Variants in SLC35D4 observed in about 807,000 individuals in gnomAD.
SLC35D4 encodes UDP-N-acetylglucosamine transporter SLC35D4.
At chr18:23,313,156 A>AAAAAAAAAAAAAAAT in the SLC35D4 span, among the ~76,000 whole-genome samples, 1 of 146,524 alleles carries the variant, frequency 6.8e-6, no homozygotes, top group Non-Finnish European at 1.5e-5. Context: ...AAAAAAAAAA[A>AAAAAAAAAAAAAAAT]AGAACCTGAG....
chr18:23,284,627 T>G, the SLC35D4 span, among the ~76,000 whole-genome samples: 1 of 152,246 alleles, frequency 6.6e-6, no homozygotes, highest in Non-Finnish European at 1.5e-5. Flanking sequence ...TGGGATCGCT[T>G]TCTCAGGACC....
chr18:23,257,912 T>G, the SLC35D4 span: 1 of 152,478 alleles, frequency 6.6e-6, no homozygotes, highest in Middle Eastern at 3.4e-3. Flanking sequence ...GCATCAGCCC[T>G]AGACCCCCAG....
chr18:23,242,510 C>T, the SLC35D4 span, among the ~76,000 whole-genome samples: 14 of 152,152 alleles, frequency 9.2e-5, no homozygotes, highest in Non-Finnish European at 1.9e-4. Context: ...ATCATTAGAA[C>T]GTGGCAGCCC....
chr18:23,253,685 C>CT, the SLC35D4 span: 123 of 1,550,452 alleles, frequency 7.9e-5, no homozygotes, highest in Middle Eastern at 3.9e-4. Context: ...CACTGAAACT[C>CT]TAAGTTTTCA....
At chr18:23,374,922 C>T in the SLC35D4 span, among the ~76,000 whole-genome samples, 1 of 152,010 alleles carries the variant, frequency 6.6e-6, no homozygotes, top group Non-Finnish European at 1.5e-5. Flanking sequence ...TGAGCCCAGC[C>T]TGGCCAATAT....
chr18:23,382,990 G>C, the SLC35D4 span, among the ~76,000 whole-genome samples: 1 of 152,218 alleles, frequency 6.6e-6, no homozygotes, highest in East Asian at 1.9e-4. Flanking sequence ...GGATGTGGTG[G>C]GGAGGGGATA....
the SLC35D4 span, among the ~76,000 whole-genome samples, chr18:23,265,091 A>G: frequency 6.6e-6 from 1 of 152,188 alleles, no homozygotes; most frequent in African/African-American, 2.4e-5. Flanking sequence ...TCAACATGAA[A>G]TTTGGGTGGG....
the SLC35D4 span, among the ~76,000 whole-genome samples, chr18:23,361,337 T>C: frequency 1.3e-5 from 2 of 150,996 alleles, no homozygotes; most frequent in African/African-American, 2.4e-5. Flanking sequence ...AGATAGCAAG[T>C]GTAATAAGCA....
chr18:23,262,459 G>A, the SLC35D4 span, among the ~76,000 whole-genome samples: 1 of 152,376 alleles, frequency 6.6e-6, no homozygotes, highest in Non-Finnish European at 1.5e-5. Flanking sequence ...GTAGAGCTGT[G>A]ACCTTGGGGA....
At chr18:23,410,273 C>A in the SLC35D4 span, among the ~76,000 whole-genome samples, 29 of 150,766 alleles carry the variant, frequency 1.9e-4, no homozygotes, top group African/African-American at 6.3e-4. Context: ...GAGGTCAGAT[C>A]GAGACCATCC....
chr18:23,389,569 G>A, the SLC35D4 span, among the ~76,000 whole-genome samples: 319 of 151,140 alleles, frequency 2.1e-3, 2 homozygotes, highest in African/African-American at 7.5e-3. Flanking sequence ...TTTTTGAGAC[G>A]GAGTCTCACT....
the SLC35D4 span, among the ~76,000 whole-genome samples, chr18:23,413,751 C>T: frequency 6.6e-6 from 1 of 151,446 alleles, no homozygotes; most frequent in African/African-American, 2.4e-5. Context: ...ACGGTGAAAC[C>T]CTGTCTCTAC....
the SLC35D4 span, chr18:23,376,682 A>G: frequency 2.3e-6 from 1 of 428,310 alleles, no homozygotes; most frequent in African/African-American, 2.0e-5. Context: ...AAGGCTTTAT[A>G]GAATAGAGGA....
the SLC35D4 span, among the ~76,000 whole-genome samples, chr18:23,320,678 C>T: frequency 6.6e-6 from 1 of 152,206 alleles, no homozygotes. Context: ...TCAGGAATAG[C>T]CTGCAGCTCT....
the SLC35D4 span, chr18:23,258,970 A>G: frequency 6.7e-6 from 1 of 150,056 alleles, no homozygotes; most frequent in Non-Finnish European, 1.5e-5. Context: ...CTTGGCCAGA[A>G]TCAGTTGTAA....
the SLC35D4 span, among the ~76,000 whole-genome samples, chr18:23,344,550 TCTC>T: frequency 0.025 from 3,734 of 152,208 alleles, 52 homozygotes; most frequent in Middle Eastern, 0.058. Flanking sequence ...GCAGATATTT[TCTC>T]CTAGGCTGTG....
At chr18:23,430,651 G>T in the SLC35D4 span, 1 of 1,612,682 alleles carries the variant, frequency 6.2e-7, no homozygotes, top group Non-Finnish European at 8.5e-7. Context: ...ATGTAGGGTA[G>T]GTAAATTTCA....
chr18:23,309,637 C>T, the SLC35D4 span: 17 of 1,565,700 alleles, frequency 1.1e-5, no homozygotes, highest in East Asian at 3.8e-4. Flanking sequence ...TGATGAAACT[C>T]AGTAACTAAT....
At chr18:23,361,584 T>G in the SLC35D4 span, among the ~76,000 whole-genome samples, 9 of 152,090 alleles carry the variant, frequency 5.9e-5, no homozygotes, top group East Asian at 9.6e-4. Flanking sequence ...GCAGGAAACT[T>G]CAACAAATCG....
Sources: allele counts gnomAD v4.1 joint callset (sites outside exome capture counted in the v4.1 genomes callset), GRCh38; gene constraint gnomAD v4.1.1; transcripts MANE v1.5; gene names NCBI Gene and HGNC (gene_info 2026-07-23, HGNC 2026-07-21).